The following CYP7B1 variants were observed in gnomAD, a reference collection of about 807,000 sequenced individuals.
The protein encoded by CYP7B1 is cytochrome P450 family 7 subfamily B member 1, also known as cytochrome P450 7B1.
In CYP7B1, 29 loss-of-function variants were observed where a neutral mutation model predicts 42.7. The ratio of observed to expected loss-of-function variants is 0.68; its 90% confidence interval spans 0.51 to 0.93. The LOEUF is 0.93. CYP7B1 is among the 40% of genes least tolerant of loss of function. The pLI is 0.00. For synonymous variants in CYP7B1, 235 were observed against 218.2 expected, an observed-to-expected ratio of 1.08 and a Z score of -0.68; for missense variants, 655 against 600.5, an observed-to-expected ratio of 1.09 and a Z score of -0.95.
intron 1 of CYP7B1, among the ~76,000 whole-genome samples, chr8:64,659,409 T>C (rs897647511): frequency 6.6e-6 from 1 of 152,176 alleles, no homozygotes; most frequent in Non-Finnish European, 1.5e-5. Flanking sequence ...CCGTGCAGTA[T>C]TCCCCTGAAT....
chr8:64,721,087 A>C (rs2129632861), intron 1 of CYP7B1, among the ~76,000 whole-genome samples: 1 of 151,728 alleles, frequency 6.6e-6, no homozygotes, highest in Admixed American at 6.6e-5. Flanking sequence ...ACTGATTCTT[A>C]CCTGGTTTTT....
chr8:64,659,523 A>G (rs1447838062), intron 1 of CYP7B1, among the ~76,000 whole-genome samples: 1 of 152,200 alleles, frequency 6.6e-6, no homozygotes, highest in Non-Finnish European at 1.5e-5. Context: ...GTTAATTAAT[A>G]TTATTTATGA....
chr8:64,650,021 GTTGA>G (rs1288901984), intron 1 of CYP7B1, among the ~76,000 whole-genome samples: 1 of 152,188 alleles, frequency 6.6e-6, no homozygotes. Context: ...CTTTTTCACT[GTTGA>G]TTGTTTCCTT....
At position 64,616,261 on chromosome 8, in the gene CYP7B1, G is replaced by A. The variant is rs1446223127; in HGVS notation, c.280C>T (p.Leu94=). 1.9e-6 allele frequency: 3 copies of A among 1,598,878 alleles called. No homozygotes were observed. Among genetic ancestry groups the A allele is most frequent in the Non-Finnish European group, 2.6e-6 (3 of 1,171,480 alleles). Residue 94 remains leucine, a synonymous_variant, in exon 3 of 6, where the codon CTG becomes TTG. Transcript: ENST00000310193. The part of the protein sequence containing the change: ...LLGGKYITFI[L]DPFQYQLVIK... ...ACTAGCTGGTACTGGAAGGGGTCCA[G>A]GATAAATGTTATGTACTTTCCTAGA... is the stretch of plus-strand genomic sequence containing the variant.
intron 1 of CYP7B1, among the ~76,000 whole-genome samples, chr8:64,677,948 AT>A (rs1206178156): frequency 6.6e-6 from 1 of 151,910 alleles, no homozygotes; most frequent in African/African-American, 2.4e-5. Flanking sequence ...CCCAAGACAG[AT>A]TTCTCGTGGT....
chr8:64,633,767 T>A (rs2129630783), intron 1 of CYP7B1, among the ~76,000 whole-genome samples: 1 of 152,252 alleles, frequency 6.6e-6, no homozygotes, highest in East Asian at 1.9e-4. Flanking sequence ...AACAAACTGA[T>A]TCTGAAGTTT....
chr8:64,682,517 A>T (rs759857671), intron 1 of CYP7B1, among the ~76,000 whole-genome samples: 36 of 152,168 alleles, frequency 2.4e-4, no homozygotes, highest in Admixed American at 1.6e-3. Context: ...GCCTGAGACA[A>T]GCTTATTCCT....
chr8:64,608,357 A>C (rs1805313651), intron 4 of CYP7B1, among the ~76,000 whole-genome samples: 1 of 152,254 alleles, frequency 6.6e-6, no homozygotes, highest in African/African-American at 2.4e-5. Context: ...TACAACACAA[A>C]AACAAATAAG....
At chr8:64,725,520 C>T (rs1807310334) in intron 1 of CYP7B1, among the ~76,000 whole-genome samples, 1 of 152,204 alleles carries the variant, frequency 6.6e-6, no homozygotes, top group Admixed American at 6.5e-5. Flanking sequence ...TTAAATCCTT[C>T]TCCCTGACTC....
At chr8:64,691,292 T>C (rs1048609712) in intron 1 of CYP7B1, among the ~76,000 whole-genome samples, 8 of 152,186 alleles carry the variant, frequency 5.3e-5, no homozygotes, top group African/African-American at 1.9e-4. Flanking sequence ...TGATCACTTA[T>C]CAGCTCTTCC....
At chr8:64,715,968 C>T (rs1480954010) in intron 1 of CYP7B1, among the ~76,000 whole-genome samples, 1 of 152,124 alleles carries the variant, frequency 6.6e-6, no homozygotes, top group Non-Finnish European at 1.5e-5. Context: ...TTTAAATTAA[C>T]AAATATTTTA....
chr8:64,667,190 G>A (rs4263804), intron 1 of CYP7B1, among the ~76,000 whole-genome samples: 17 of 152,232 alleles, frequency 1.1e-4, no homozygotes, highest in Non-Finnish European at 1.6e-4. Flanking sequence ...CCACCCTGTC[G>A]AAATTATGTA....
chr8:64,644,487 T>C (rs1805917621), intron 1 of CYP7B1, among the ~76,000 whole-genome samples: 1 of 152,156 alleles, frequency 6.6e-6, no homozygotes, highest in African/African-American at 2.4e-5. Flanking sequence ...ATAATAAGAA[T>C]TTAAAGTCAA....
intron 1 of CYP7B1, among the ~76,000 whole-genome samples, chr8:64,735,925 T>G (rs890388164): frequency 6.6e-6 from 1 of 152,138 alleles, no homozygotes; most frequent in Non-Finnish European, 1.5e-5. Flanking sequence ...TTGTAAAGCA[T>G]GCTTAAAAGA....
chr8:64,719,373 ATTAAG>A (rs1807204899), intron 1 of CYP7B1, among the ~76,000 whole-genome samples: 1 of 152,220 alleles, frequency 6.6e-6, no homozygotes, highest in South Asian at 2.1e-4. Flanking sequence ...TTCATGTATT[ATTAAG>A]TTAATTGTCT....
intron 4 of CYP7B1, among the ~76,000 whole-genome samples, chr8:64,614,651 C>CT (rs1805407168): frequency 6.6e-6 from 1 of 152,046 alleles, no homozygotes; most frequent in Admixed American, 6.6e-5. Flanking sequence ...CACAGGGTGC[C>CT]TTTTTTGCAA....
In CYP7B1 at chr8:64,592,722, G is replaced by A. The variant is rs939278716; in HGVS notation, c.*3920C>T. Among the ~76,000 whole-genome samples, 1 of 152,104 alleles carries A rather than the reference G, an allele frequency of 6.6e-6. No homozygotes were observed. On this transcript the variant is annotated 3_prime_UTR_variant, in exon 6 of 6. Transcript: ENST00000310193. ...TGCATTATACCATAAATCCATACACGTTACTGTGTTTAATCGTTACAATGA... is the reference window on the plus strand; with the variant it reads ...TGCATTATACCATAAATCCATACACATTACTGTGTTTAATCGTTACAATGA...
chr8:64,786,341 C>T (rs1265479164), intron 1 of CYP7B1, among the ~76,000 whole-genome samples: 2 of 152,210 alleles, frequency 1.3e-5, no homozygotes, highest in Non-Finnish European at 2.9e-5. Flanking sequence ...AAGTTAGTTA[C>T]TTCCTAGATA....
At chr8:64,694,119 T>C (rs1806788891) in intron 1 of CYP7B1, among the ~76,000 whole-genome samples, 1 of 152,174 alleles carries the variant, frequency 6.6e-6, no homozygotes, top group African/African-American at 2.4e-5. Flanking sequence ...CTCTCCAGAT[T>C]CTCTACCTAC....
Sources: allele counts gnomAD v4.1 joint callset (sites outside exome capture counted in the v4.1 genomes callset), GRCh38; gene constraint gnomAD v4.1.1; transcripts MANE v1.5; gene names NCBI Gene and HGNC (gene_info 2026-07-23, HGNC 2026-07-21).